FPGS: variants seen among roughly 807,000 people sequenced by gnomAD.
FPGS encodes the protein folylpolyglutamate synthase, mitochondrial.
A neutral mutation model predicts 66.5 loss-of-function variants in FPGS; 53 were observed. That is an observed-to-expected ratio of 0.80 (90% CI 0.64 to 1.00). The LOEUF is 1.00. FPGS is among the 50% of genes least tolerant of loss of function. FPGS has a pLI of 0.00. For missense variants in FPGS, 702 were observed against 807.7 expected (o/e 0.87, Z 1.59); for synonymous variants, 348 against 350.9 (o/e 0.99, Z 0.09).
chr9:127,813,141 C>T (rs41426644), intron 14 of FPGS, 54 bp from the exon 15 acceptor site: 15 of 1,513,518 alleles, frequency 9.9e-6, no homozygotes, highest in Non-Finnish European at 1.3e-5. Flanking sequence ...TTCTCCACCC[C>T]TGTCCCTTAC....
At chr9:127,804,864 T>C (rs1829748581) in intron 4 of FPGS, 164 bp downstream of exon 4, 2 of 672,678 alleles carry the variant, frequency 3.0e-6, no homozygotes, top group South Asian at 3.6e-5. Flanking sequence ...ACTTACCATA[T>C]TGGCCCATGT....
intron 11 of FPGS, 25 bp downstream of exon 11, chr9:127,808,914 T>A: frequency 6.7e-7 from 1 of 1,503,440 alleles, no homozygotes. Context: ...CCTGCCCAGC[T>A]GGGACCACTG....
At position 127,809,679 on chromosome 9, in the gene FPGS, C is replaced by T; in HGVS notation, c.1061-5C>T. On this transcript the variant is annotated splice_polypyrimidine_tract_variant and splice_region_variant and intron_variant, in intron 11 of 14. Coordinates refer to ENST00000373247, the MANE Select transcript of FPGS (RefSeq NM_004957.6). ...CTGGAGGACTGCCTTGCTGCCCTCC[C>T]CCAGGGCTTCGGAACACGGAGTGGC... The T allele has an allele frequency of 6.3e-7, 1 of 1,585,592 alleles. No individual in the cohort carries two copies. Among genetic ancestry groups the T allele is most frequent in the Non-Finnish European group, 8.5e-7 (1 of 1,173,490 alleles).
At chr9:127,806,833 C>T (rs1022621738) in intron 4 of FPGS, 140 bp from the exon 5 acceptor site, 20 of 660,506 alleles carry the variant, frequency 3.0e-5, no homozygotes, top group Admixed American at 1.6e-4. Flanking sequence ...ACAGATAGTC[C>T]GGGGGGATGG....
At chr9:127,806,897 G>A (rs1166242769) in intron 4 of FPGS, 76 bp from the exon 5 acceptor site, 11 of 1,067,786 alleles carry the variant, frequency 1.0e-5, no homozygotes, top group Non-Finnish European at 1.5e-5. Context: ...GAGGCCAGTA[G>A]CATCAGTCCC....
intron 13 of FPGS, 116 bp from the exon 14 acceptor site, chr9:127,810,829 T>G: frequency 1.6e-6 from 1 of 608,190 alleles, no homozygotes; most frequent in Non-Finnish European, 3.0e-6. Context: ...TTATACAGCA[T>G]CATTCTAGTT....
intron 14 of FPGS, 48 bp downstream of exon 14, chr9:127,811,059 G>GGT: frequency 8.6e-7 from 1 of 1,162,120 alleles, no homozygotes; most frequent in Non-Finnish European, 1.3e-6. Flanking sequence ...GGGTCCCTGA[G>GGT]GTAGACAGTG....
Position 127,813,187 on chromosome 9 carries a change from C to T in FPGS, c.1355-8C>T, listed in dbSNP as rs577186132. The T allele has an allele frequency of 9.0e-6, 14 of 1,560,838 alleles. No homozygotes were observed. Among genetic ancestry groups the T allele is most frequent in the Middle Eastern group, 1.7e-4 (1 of 5,826 alleles). On this transcript the variant is annotated splice_region_variant and splice_polypyrimidine_tract_variant and intron_variant, in intron 14 of 14. Coordinates refer to ENST00000373247, the MANE Select transcript of FPGS (RefSeq NM_004957.6). ...CTTCGCTGATAGGCCTTTCTCTGTG[C>T]CCCACAGACCAACAGAACTTCACAG...
At chr9:127,810,362 T>C (rs1184523694) in intron 13 of FPGS, among the ~76,000 whole-genome samples, 1 of 151,776 alleles carries the variant, frequency 6.6e-6, no homozygotes. Flanking sequence ...GTGTAGACTC[T>C]GGACTCGCTT....
rs770160706 is a variant in FPGS at position 127,804,670 on chromosome 9, G to A, written c.356G>A (p.Arg119Gln). 79 of 1,614,044 alleles carry A rather than the reference G, an allele frequency of 4.9e-5. 1 individual carries two copies. The highest frequency in any genetic ancestry group is 5.8e-5 in the Non-Finnish European group (68 of 1,180,014). The change falls in exon 4 of 15, where the codon CGA becomes CAA. Residue 119 changes from arginine to glutamine, a missense_variant. Physicochemically the swap from Arg to Gln is conservative, Grantham distance 43 (BLOSUM62 1). Transcript: ENST00000373247. Reference protein sequence around the residue: ...STCAFTECILRSYGLKTGFFS... With the variant: ...STCAFTECILQSYGLKTGFFS... ...TGTGCCTTCACGGAATGTATCCTCC[G>A]AAGCTATGGCCTGAAGACGGGATTC...
chr9:127,807,610 C>T lies in FPGS; in HGVS notation c.666C>T (p.Ser222=). The T allele has an allele frequency of 6.2e-7, 1 of 1,612,680 alleles. No individual in the cohort carries two copies. The stretch of plus-strand genomic sequence containing the variant: ...GGAAGCCTGTGGTGTGCGGAGTCTC[C>T]TCTCTTGGCATCGACCACACCAGCC... ...IIRKPVVCGV[S]SLGIDHTSLL... The change falls in exon 8 of 15, where the codon TCC becomes TCT. Residue 222 remains serine (S), a synonymous_variant. Coordinates refer to ENST00000373247, the MANE Select transcript of FPGS (RefSeq NM_004957.6). The surrounding 1 kb of genome is among the most constrained non-coding windows in gnomAD (Gnocchi z 5.8).
At position 127,807,710 on chromosome 9, in the gene FPGS, AG is replaced by A. The variant is rs1450999997; in HGVS notation, c.744+25del. ...TAAGGTGACCAGGCAGACTGGGGGA[AG>A]GGAGAGACATGGAAGGCCTGGGAGT... On this transcript the variant is annotated intron_variant, in intron 8 of 14. Coordinates refer to ENST00000373247, the MANE Select transcript of FPGS (RefSeq NM_004957.6). The surrounding 1 kb of genome is among the most constrained non-coding windows in gnomAD (Gnocchi z 5.8). 1.3e-6 allele frequency: 2 copies of A among 1,496,412 alleles called. No homozygotes were observed. The highest frequency in any genetic ancestry group is 1.8e-6 in the Non-Finnish European group (2 of 1,099,152). The allele number at this position is 1,496,412 out of a possible 1,614,324, so 92.7% of individuals were successfully genotyped here. A position where few individuals can be genotyped will look rare whatever the true frequency, so the allele number is the denominator to read the frequency against.
rs751023740 is a variant in FPGS at position 127,809,778 on chromosome 9, G to A, written c.1155G>A (p.Ala385=). The change falls in exon 12 of 15, where the codon GCG becomes GCA. Residue 385 remains alanine (A), a synonymous_variant. Transcript: ENST00000373247. The part of the protein sequence containing the change: ...YLDGAHTASS[A]QACVRWFRQA... Reference sequence around the variant, plus strand: ...ACGGTGCGCACACCGCCAGCAGCGCGCAGGCCTGCGTGCGCTGGTTCCGCC... The same window carrying A: ...ACGGTGCGCACACCGCCAGCAGCGCACAGGCCTGCGTGCGCTGGTTCCGCC... 5.1e-6 allele frequency: 8 copies of A among 1,564,246 alleles called. No homozygotes were observed. In the East Asian group the frequency reaches 1.7e-4, roughly 33 times the overall value.
chr9:127,813,868 C>G lies in FPGS; in HGVS notation c.*264C>G. 8.2e-7 allele frequency: 1 copy of G among 1,221,738 alleles called. No individual in the cohort carries two copies. The highest frequency in any genetic ancestry group is 1.6e-5 in the African/African-American group (1 of 64,048). The allele number at this position is 1,221,738 out of a possible 1,614,324, so 75.7% of individuals were successfully genotyped here. Reference sequence around the variant, plus strand: ...GGCCTGGCCGTTCAGCCTGTCTCCCCCAACACCCCGCCTGCCTCCTGGCTC... The same window carrying G: ...GGCCTGGCCGTTCAGCCTGTCTCCCGCAACACCCCGCCTGCCTCCTGGCTC... On this transcript the variant is annotated 3_prime_UTR_variant, in exon 15 of 15. Transcript: ENST00000373247.
intron 4 of FPGS, among the ~76,000 whole-genome samples, chr9:127,806,019 C>T (rs1829792993): frequency 6.6e-6 from 1 of 152,254 alleles, no homozygotes; most frequent in Non-Finnish European, 1.5e-5. Context: ...GAGAGGAGGA[C>T]TTACTACCTG....
chr9:127,806,750 G>T, intron 4 of FPGS: 1 of 570,942 alleles, frequency 1.8e-6, no homozygotes. Flanking sequence ...TGTCTTAGTT[G>T]AGACCAACGT....
chr9:127,811,550 A>ATC (rs1441533950), intron 14 of FPGS, among the ~76,000 whole-genome samples: 1 of 152,146 alleles, frequency 6.6e-6, no homozygotes, highest in Non-Finnish European at 1.5e-5. Context: ...TAGTGGCACA[A>ATC]TCTCAGCTCA....
Position 127,804,430 on chromosome 9 carries a change from C to T in FPGS, c.267+17C>T. ...GGGCTGCAGGTAAGGTAGAGAGGGC[C>T]TGTGACCACCTCCCACCCCCATTTG... On this transcript the variant is annotated intron_variant, in intron 2 of 14. Coordinates refer to ENST00000373247, the MANE Select transcript of FPGS (RefSeq NM_004957.6). 1 of 1,614,044 alleles carries T rather than the reference C, an allele frequency of 6.2e-7. No individual in the cohort carries two copies. The highest frequency in any genetic ancestry group is 8.5e-7 in the Non-Finnish European group (1 of 1,179,934).
chr9:127,810,849 G>C, intron 13 of FPGS, 96 bp from the exon 14 acceptor site: 1 of 645,814 alleles, frequency 1.5e-6, no homozygotes. Context: ...TGTCAGGGAG[G>C]CTGCATCTCC....
Sources: allele counts gnomAD v4.1 joint callset (sites outside exome capture counted in the v4.1 genomes callset), GRCh38; gene constraint gnomAD v4.1.1; non-coding constraint Gnocchi (gnomAD v3.1); transcripts MANE v1.5; gene names NCBI Gene and HGNC (gene_info 2026-07-23, HGNC 2026-07-21).